ROBO2: variants seen among roughly 807,000 people sequenced by gnomAD.
ROBO2 encodes the protein roundabout homolog 2.
ROBO2 carries 53 observed loss-of-function variants against 160.8 expected under a neutral mutation model. That is an observed-to-expected ratio of 0.33 (90% CI 0.26 to 0.41). The LOEUF (loss-of-function observed/expected upper bound fraction) is 0.41, where lower values mean the gene tolerates loss of function less well. Among genes scored for constraint, ROBO2 ranks in the 10% least tolerant of loss-of-function variants. ROBO2 has a pLI of 1.00. For missense variants in ROBO2, 1,577 were observed against 1,722.4 expected (o/e 0.92, Z 1.49); for synonymous variants, 664 against 611.7 (o/e 1.09, Z -1.26).
At chr3:77,061,426 T>C (rs1216453138) in intron 1 of ROBO2, among the ~76,000 whole-genome samples, 1 of 152,126 alleles carries the variant, frequency 6.6e-6, no homozygotes, top group Non-Finnish European at 1.5e-5. Flanking sequence ...TTTTCCTATG[T>C]CTCCAAATAA....
At chr3:77,455,588 C>A (rs897703598) in intron 2 of ROBO2, among the ~76,000 whole-genome samples, 1 of 152,040 alleles carries the variant, frequency 6.6e-6, no homozygotes, top group Non-Finnish European at 1.5e-5. Context: ...CACACCACCA[C>A]GCCCAGCTAA....
intron 11 of ROBO2, chr3:77,564,687 C>T: frequency 1.9e-6 from 1 of 539,452 alleles, no homozygotes; most frequent in Admixed American, 2.9e-5. Context: ...ATTTAGTGGG[C>T]TGCTGTGCAT....
chr3:77,281,910 A>T (rs1241553299), intron 2 of ROBO2, among the ~76,000 whole-genome samples: 1 of 152,180 alleles, frequency 6.6e-6, no homozygotes, highest in Non-Finnish European at 1.5e-5. Flanking sequence ...ATCTGACAGG[A>T]GGCGGAGCTC....
chr3:76,043,980 C>A (rs2107779397), intron 2 of ROBO2, among the ~76,000 whole-genome samples: 1 of 152,108 alleles, frequency 6.6e-6, no homozygotes. Flanking sequence ...GTGTTTTACA[C>A]CCCAATGTCC....
At chr3:76,515,904 C>T (rs2081326507) in intron 2 of ROBO2, among the ~76,000 whole-genome samples, 1 of 152,204 alleles carries the variant, frequency 6.6e-6, no homozygotes, top group South Asian at 2.1e-4. Context: ...TCATTTTCTC[C>T]CAGCTTCACT....
intron 2 of ROBO2, among the ~76,000 whole-genome samples, chr3:76,315,937 C>T (rs1213622885): frequency 6.6e-6 from 1 of 152,162 alleles, no homozygotes; most frequent in Non-Finnish European, 1.5e-5. Flanking sequence ...AGGAATTTTA[C>T]AGCTGGCCCT....
At chr3:76,056,574 AAAAAGAAAAAG>A (rs1341814216) in intron 2 of ROBO2, among the ~76,000 whole-genome samples, 6 of 152,200 alleles carry the variant, frequency 3.9e-5, no homozygotes, top group Non-Finnish European at 8.8e-5. Flanking sequence ...GAGTTTACAA[AAAAAGAAAAAG>A]AAAAGAAAAA....
At chr3:76,151,632 A>C (rs1021339420) in intron 2 of ROBO2, among the ~76,000 whole-genome samples, 1 of 152,170 alleles carries the variant, frequency 6.6e-6, no homozygotes, top group Non-Finnish European at 1.5e-5. Context: ...CCCAGACTCC[A>C]GAACCTCAAC....
intron 2 of ROBO2, among the ~76,000 whole-genome samples, chr3:76,234,890 G>A (rs1386822827): frequency 6.6e-6 from 1 of 152,250 alleles, no homozygotes. Flanking sequence ...GAAATCCACA[G>A]ATGAAGGGTT....
Position 77,317,045 on chromosome 3 carries a change from C to T in ROBO2, c.389-160369C>T, listed in dbSNP as rs546123424. ...TAAATGGAGCCGCCAAACTCTGTCC[C>T]GTCATTCACAGTAGTGTGAAGCTGG... On this transcript the variant is annotated intron_variant, in intron 2 of 25. Coordinates refer to ENST00000461745, the Ensembl canonical transcript of ROBO2. 2.4e-5 allele frequency: 37 copies of T among 1,515,756 alleles called. No homozygotes were observed. In the East Asian group the frequency reaches 6.5e-4, roughly 27 times the overall value. The allele number at this position is 1,515,756 out of a possible 1,614,324, so 93.9% of individuals were successfully genotyped here.
At chr3:76,469,222 AATG>A (rs1171969895) in intron 2 of ROBO2, among the ~76,000 whole-genome samples, 3 of 152,014 alleles carry the variant, frequency 2.0e-5, no homozygotes, top group African/African-American at 4.8e-5. Flanking sequence ...TGACGATAAT[AATG>A]ATGATGATGA....
At chr3:76,824,552 A>G (rs972603856) in intron 2 of ROBO2, among the ~76,000 whole-genome samples, 1 of 152,180 alleles carries the variant, frequency 6.6e-6, no homozygotes, top group African/African-American at 2.4e-5. Context: ...TCTTTCATTT[A>G]AAATGTCTCA....
intron 2 of ROBO2, among the ~76,000 whole-genome samples, chr3:76,468,853 C>G (rs559141345): frequency 1.3e-5 from 2 of 152,182 alleles, no homozygotes; most frequent in African/African-American, 4.8e-5. Flanking sequence ...TCTACCTAGA[C>G]AAACTTATAT....
At chr3:77,354,046 T>A (rs7651860) in intron 2 of ROBO2, among the ~76,000 whole-genome samples, 52,113 of 152,052 alleles carry the variant, frequency 0.34, 9,333 homozygotes, top group Non-Finnish European at 0.38. Context: ...ATTGAGGATC[T>A]TTAGAAAAAA....
chr3:76,039,381 T>G (rs2067212817), intron 2 of ROBO2, among the ~76,000 whole-genome samples: 1 of 151,996 alleles, frequency 6.6e-6, no homozygotes, highest in Admixed American at 6.5e-5. Context: ...GACAATGAAT[T>G]TATACTGGCA....
At chr3:76,729,627 GTCTC>G (rs10662099) in intron 2 of ROBO2, among the ~76,000 whole-genome samples, 7 of 146,172 alleles carry the variant, frequency 4.8e-5, no homozygotes, top group African/African-American at 7.7e-5. Flanking sequence ...TTTCTTTTCT[GTCTC>G]TCTCTCTCTT....
chr3:76,119,935 TTCCTTCCTTCC>T (rs2070670305), intron 2 of ROBO2, among the ~76,000 whole-genome samples: 1 of 129,976 alleles, frequency 7.7e-6, no homozygotes, highest in African/African-American at 2.9e-5. Flanking sequence ...CCTTCCTTCC[TTCCTTCCTTCC>T]TTCCTTCCTT....
chr3:75,922,685 A>T (rs1947117075), intron 1 of ROBO2, among the ~76,000 whole-genome samples: 1 of 152,100 alleles, frequency 6.6e-6, no homozygotes, highest in Non-Finnish European at 1.5e-5. Context: ...ATTTTAACAA[A>T]ATTATATTAT....
intron 2 of ROBO2, among the ~76,000 whole-genome samples, chr3:76,489,218 A>G (rs1279756639): frequency 1.3e-5 from 2 of 150,202 alleles, no homozygotes; most frequent in Non-Finnish European, 3.0e-5. Context: ...GGCTCTGATG[A>G]AAAAATGTTT....
Sources: gnomAD v4.1 joint callset for allele counts (sites outside exome capture counted in the v4.1 genomes callset) on GRCh38, gnomAD v4.1.1 for gene constraint, MANE v1.5 for transcripts, NCBI Gene and HGNC (gene_info 2026-07-23, HGNC 2026-07-21) for gene names.